ATRNL1: variants seen among roughly 807,000 people sequenced by gnomAD.
ATRNL1 encodes the protein attractin like 1.
ATRNL1 carries 95 observed loss-of-function variants against 182.7 expected under a neutral mutation model. The ratio of observed to expected loss-of-function variants is 0.52; its 90% CI spans 0.44 to 0.62. The LOEUF (loss-of-function observed/expected upper bound fraction) is 0.62. ATRNL1 is among the 20% of genes least tolerant of loss of function. The pLI, the probability that ATRNL1 is intolerant of heterozygous loss-of-function variation, is 0.00. For synonymous variants in ATRNL1, 576 were observed against 568.3 expected, an observed-to-expected ratio of 1.01 and a Z score of -0.19; for missense variants, 1,471 against 1,679.5, an observed-to-expected ratio of 0.88 and a Z score of 2.17.
chr10:115,340,472 TTTTC>T (rs1331454344), intron 19 of ATRNL1, among the ~76,000 whole-genome samples: 3 of 106,962 alleles, frequency 2.8e-5, no homozygotes, highest in African/African-American at 8.5e-5. Context: ...TTTTCTTTTC[TTTTC>T]TTTTTTTTTT....
At chr10:115,326,872 G>A (rs1854919066) in intron 18 of ATRNL1, among the ~76,000 whole-genome samples, 1 of 152,134 alleles carries the variant, frequency 6.6e-6, no homozygotes, top group African/African-American at 2.4e-5. Context: ...GGGAAAACTG[G>A]CTAGCCATAT....
At chr10:115,382,212 C>T (rs1192326826) in intron 19 of ATRNL1, among the ~76,000 whole-genome samples, 1 of 152,036 alleles carries the variant, frequency 6.6e-6, no homozygotes, top group Non-Finnish European at 1.5e-5. Flanking sequence ...TTAGAATCAG[C>T]TTGTCATTTT....
intron 28 of ATRNL1, among the ~76,000 whole-genome samples, chr10:115,905,784 T>A (rs936647371): frequency 6.6e-6 from 1 of 152,194 alleles, no homozygotes; most frequent in Non-Finnish European, 1.5e-5. Context: ...AAGAATCACA[T>A]CTGTCATGAG....
intron 20 of ATRNL1, among the ~76,000 whole-genome samples, chr10:115,396,444 T>C (rs1844293608): frequency 1.3e-5 from 2 of 152,026 alleles, no homozygotes; most frequent in South Asian, 4.1e-4. Context: ...AGTGCTCTGC[T>C]ATCATCATCT....
intron 21 of ATRNL1, among the ~76,000 whole-genome samples, chr10:115,458,274 A>G (rs953054010): frequency 1.3e-5 from 2 of 152,178 alleles, no homozygotes; most frequent in East Asian, 3.9e-4. Flanking sequence ...GAGGAGAAAT[A>G]TATCTCCTAG....
intron 18 of ATRNL1, among the ~76,000 whole-genome samples, chr10:115,323,934 C>T (rs549147386): frequency 1.5e-4 from 23 of 151,860 alleles, no homozygotes; most frequent in African/African-American, 4.8e-4. Context: ...CCTGCCACGA[C>T]GCCTGGCTAA....
chr10:115,231,036 AG>A (rs1283747115), intron 9 of ATRNL1, among the ~76,000 whole-genome samples: 1 of 152,076 alleles, frequency 6.6e-6, no homozygotes, highest in Non-Finnish European at 1.5e-5. Context: ...GGTGTCAGGA[AG>A]AATGGAAACT....
At chr10:115,316,211 T>C (rs1554929635) in intron 18 of ATRNL1, among the ~76,000 whole-genome samples, 3 of 152,280 alleles carry the variant, frequency 2.0e-5, no homozygotes, top group Admixed American at 2.0e-4. Context: ...ATGCAGTGTT[T>C]CGTTTTCTGT....
At chr10:115,232,335 C>A (rs541265676) in intron 9 of ATRNL1, among the ~76,000 whole-genome samples, 1 of 152,038 alleles carries the variant, frequency 6.6e-6, no homozygotes, top group Non-Finnish European at 1.5e-5. Context: ...TTTTAATTTG[C>A]GTTTCCTTAA....
At chr10:115,944,179 T>G (rs1337282045) in intron 28 of ATRNL1, among the ~76,000 whole-genome samples, 1 of 151,404 alleles carries the variant, frequency 6.6e-6, no homozygotes, top group African/African-American at 2.4e-5. Flanking sequence ...TAATGTAAAT[T>G]ATGGACTTCA....
At chr10:115,281,049 T>G (rs1852337331) in intron 13 of ATRNL1, among the ~76,000 whole-genome samples, 1 of 152,242 alleles carries the variant, frequency 6.6e-6, no homozygotes, top group Non-Finnish European at 1.5e-5. Context: ...TTGAAACATA[T>G]GCCTCTATTG....
Position 115,467,215 on chromosome 10 carries a change from C to T in ATRNL1, c.3459C>T (p.Asn1153=), listed in dbSNP as rs1554971010. 1.2e-6 allele frequency: 2 copies of T among 1,604,990 alleles called. No individual in the cohort carries two copies. Among genetic ancestry groups the T allele is most frequent in the East Asian group, 4.5e-5 (2 of 44,302 alleles). The change falls in exon 23 of 29, where the codon AAC becomes AAT. Residue 1153 remains asparagine, a synonymous_variant. Coordinates refer to ENST00000355044, the MANE Select transcript of ATRNL1 (RefSeq NM_207303.4). The part of the protein sequence containing the change: ...NLDISINASN[N]FNLNITWSVG... The stretch of plus-strand genomic sequence containing the variant: ...ATATATCAATTAATGCATCAAACAA[C>T]TTTAATCTCAACATTACGTGGTCTG...
chr10:115,731,620 A>G (rs1947799599), intron 27 of ATRNL1, among the ~76,000 whole-genome samples: 1 of 149,868 alleles, frequency 6.7e-6, no homozygotes, highest in Non-Finnish European at 1.5e-5. Flanking sequence ...AATATAGAAC[A>G]TATACCAATA....
intron 27 of ATRNL1, among the ~76,000 whole-genome samples, chr10:115,774,783 C>T (rs370272663): frequency 2.9e-4 from 44 of 151,638 alleles, no homozygotes; most frequent in African/African-American, 1.0e-3. Context: ...AATATTTTGT[C>T]TTATTTTTTT....
intron 20 of ATRNL1, 42 bp from the exon 21 acceptor site, chr10:115,426,208 A>G: frequency 1.3e-6 from 2 of 1,546,586 alleles, no homozygotes; most frequent in Non-Finnish European, 1.8e-6. Context: ...AGGCTTTTGA[A>G]TTGCATTGTT....
At chr10:115,344,003 G>T (rs1855865336) in intron 19 of ATRNL1, among the ~76,000 whole-genome samples, 1 of 152,076 alleles carries the variant, frequency 6.6e-6, no homozygotes, top group Non-Finnish European at 1.5e-5. Flanking sequence ...CTCTGTTCTG[G>T]GCCACTTAAA....
intron 27 of ATRNL1, among the ~76,000 whole-genome samples, chr10:115,781,338 A>G (rs781977768): frequency 6.6e-6 from 1 of 152,248 alleles, no homozygotes; most frequent in South Asian, 2.1e-4. Flanking sequence ...ATGACCAGCA[A>G]TTCTCCTAGA....
chr10:115,807,100 A>G (rs1342618923), intron 27 of ATRNL1, among the ~76,000 whole-genome samples: 1 of 149,534 alleles, frequency 6.7e-6, no homozygotes, highest in Non-Finnish European at 1.5e-5. Flanking sequence ...CGTTGTACTC[A>G]GGTACTTTTT....
At chr10:115,305,916 TTA>T (rs1853706706) in intron 17 of ATRNL1, among the ~76,000 whole-genome samples, 2 of 152,176 alleles carry the variant, frequency 1.3e-5, no homozygotes, top group African/African-American at 4.8e-5. Context: ...GAGTGTGTGT[TTA>T]TAGGAATTTA....
Sources: allele counts gnomAD v4.1 joint callset (sites outside exome capture counted in the v4.1 genomes callset), GRCh38; gene constraint gnomAD v4.1.1; transcripts MANE v1.5; gene names NCBI Gene and HGNC (gene_info 2026-07-23, HGNC 2026-07-21).